USP34: variants seen among roughly 807,000 people sequenced by gnomAD.
USP34 encodes ubiquitin carboxyl-terminal hydrolase 34.
USP34 carries 70 observed loss-of-function variants against 460.3 expected under a neutral mutation model. That is an observed-to-expected ratio of 0.15 (90% confidence interval 0.13 to 0.19). The LOEUF (loss-of-function observed/expected upper bound fraction) is 0.19, where lower values mean the gene tolerates loss of function less well. USP34 is among the 10% of genes least tolerant of loss of function. The pLI is 1.00. For synonymous variants in USP34, 1,647 were observed against 1,405.3 expected, an observed-to-expected ratio of 1.17 and a Z score of -3.85; for missense variants, 3,985 against 4,236.2, an observed-to-expected ratio of 0.94 and a Z score of 1.65.
intron 27 of USP34, among the ~76,000 whole-genome samples, chr2:61,310,684 TA>T (rs1262218750): frequency 6.6e-6 from 1 of 150,500 alleles, no homozygotes; most frequent in East Asian, 1.9e-4. Flanking sequence ...TACATATACA[TA>T]TATATATATT....
At chr2:61,262,165 ATATGTACACAGG>A (rs1193122966) in intron 43 of USP34, among the ~76,000 whole-genome samples, 30 of 144,798 alleles carry the variant, frequency 2.1e-4, no homozygotes, top group Admixed American at 2.1e-3. Flanking sequence ...ATATAGAAAT[ATATGTACACAGG>A]TCTCCTTTTT....
chr2:61,388,066 G>C (rs1235020689), intron 5 of USP34, among the ~76,000 whole-genome samples: 1 of 151,900 alleles, frequency 6.6e-6, no homozygotes, highest in Non-Finnish European at 1.5e-5. Flanking sequence ...AGGAGTTTGA[G>C]ATCAGCCAGG....
chr2:61,330,321 A>G (rs2103727786), intron 20 of USP34, among the ~76,000 whole-genome samples: 1 of 152,302 alleles, frequency 6.6e-6, no homozygotes, highest in South Asian at 2.1e-4. Context: ...TCTCATCGTC[A>G]TCATTATTCA....
chr2:61,359,220 T>G (rs776675578), intron 10 of USP34, among the ~76,000 whole-genome samples: 2 of 152,152 alleles, frequency 1.3e-5, no homozygotes, highest in African/African-American at 2.4e-5. Flanking sequence ...TTAAATAGTA[T>G]GGTACTGACA....
chr2:61,451,643 T>C (rs527281912), intron 1 of USP34, among the ~76,000 whole-genome samples: 3 of 150,556 alleles, frequency 2.0e-5, no homozygotes, highest in Non-Finnish European at 3.0e-5. Flanking sequence ...GATCATGCCA[T>C]TGCACTCCAA....
intron 1 of USP34, among the ~76,000 whole-genome samples, chr2:61,445,095 T>TA (rs1199309327): frequency 6.6e-5 from 10 of 151,400 alleles, no homozygotes; most frequent in African/African-American, 9.7e-5. Context: ...ACTTCAGTGT[T>TA]AGCCTAAAAA....
At chr2:61,420,276 A>AT (rs1448675627) in intron 2 of USP34, among the ~76,000 whole-genome samples, 1 of 152,164 alleles carries the variant, frequency 6.6e-6, no homozygotes, top group East Asian at 1.9e-4. Flanking sequence ...ATAAACTTTG[A>AT]TTATATTAAC....
intron 2 of USP34, among the ~76,000 whole-genome samples, chr2:61,406,408 T>C (rs1397210169): frequency 6.6e-6 from 1 of 152,152 alleles, no homozygotes; most frequent in African/African-American, 2.4e-5. Context: ...AAAACAAGAA[T>C]TGTGACATTT....
chr2:61,231,810 T>TA (rs200291947), intron 58 of USP34, among the ~76,000 whole-genome samples: 2 of 98,942 alleles, frequency 2.0e-5, no homozygotes, highest in Non-Finnish European at 4.1e-5. Context: ...CAAAACCCTC[T>TA]AAAAAAATAT....
intron 1 of USP34, among the ~76,000 whole-genome samples, chr2:61,424,116 G>A (rs2103980508): frequency 6.6e-6 from 1 of 152,208 alleles, no homozygotes; most frequent in East Asian, 1.9e-4. Context: ...ATATGATCCA[G>A]CAATCCCACT....
intron 62 of USP34, among the ~76,000 whole-genome samples, chr2:61,225,213 A>G (rs575635398): frequency 6.6e-6 from 1 of 152,274 alleles, no homozygotes; most frequent in African/African-American, 2.4e-5. Flanking sequence ...AAACCCTACA[A>G]TTTAATATTT....
chr2:61,227,260 T>A, intron 61 of USP34, 42 bp from the exon 62 acceptor site: 1 of 1,558,870 alleles, frequency 6.4e-7, no homozygotes, highest in Non-Finnish European at 8.7e-7. Context: ...GTAGTAGTTT[T>A]AATATCATTT....
At chr2:61,292,030 G>T (rs7561697) in intron 33 of USP34, among the ~76,000 whole-genome samples, 1 of 151,832 alleles carries the variant, frequency 6.6e-6, no homozygotes, top group East Asian at 1.9e-4. Context: ...AAACAGAAAG[G>T]AGACTATAAT....
chr2:61,354,947 G>C (rs1558546283), intron 10 of USP34, among the ~76,000 whole-genome samples: 2 of 152,214 alleles, frequency 1.3e-5, no homozygotes, highest in East Asian at 3.9e-4. Context: ...AAGCTTGCTG[G>C]GACCAGCCCA....
intron 29 of USP34, among the ~76,000 whole-genome samples, chr2:61,299,462 C>T: frequency 6.6e-6 from 1 of 152,098 alleles, no homozygotes; most frequent in East Asian, 1.9e-4. Flanking sequence ...CCTCTGAATG[C>T]CATCTTCAGG....
Position 61,280,690 on chromosome 2 carries a change from G to A in USP34, c.5152-342C>T, listed in dbSNP as rs188450275. Among the ~76,000 whole-genome samples the A allele has an allele frequency of 2.0e-5, 3 of 152,248 alleles. No homozygotes were observed. The South Asian group carries it at 6.2e-4, about 32-fold the overall frequency. ...TATTATGTATTAGAAGCCTTTTAAA[G>A]ACTAGTATATGAACTAGGGTAGGAA... On this transcript the variant is annotated intron_variant, in intron 38 of 79. Transcript: ENST00000398571.
At chr2:61,311,965 T>C (rs1466486301) in intron 25 of USP34, 55 bp from the exon 26 acceptor site, 2 of 1,580,530 alleles carry the variant, frequency 1.3e-6, no homozygotes, top group African/African-American at 1.4e-5. Context: ...ACCATTTTAA[T>C]GTTACGCAAA....
chr2:61,318,506 G>A (rs1048266734), intron 22 of USP34, among the ~76,000 whole-genome samples: 1 of 152,100 alleles, frequency 6.6e-6, no homozygotes, highest in African/African-American at 2.4e-5. Context: ...TATATACTCA[G>A]TTCCAACATG....
Position 61,348,264 on chromosome 2 carries a change from G to T in USP34, c.1891C>A (p.His631Asn). 6.2e-7 allele frequency: 1 copy of T among 1,614,136 alleles called. No individual in the cohort carries two copies. Among genetic ancestry groups the T allele is most frequent in the South Asian group, 1.1e-5 (1 of 91,068 alleles). The change falls in exon 15 of 80, where the codon CAT becomes AAT. Residue 631 changes from histidine (H) to asparagine (N), a missense_variant. This residue lies in a region of USP34 where 716 missense variants were observed against 626.2 expected (regional missense o/e 1.14). Transcript: ENST00000398571. ...CCACAACTGCTTTTGGGAGGATTAT[G>T]ACCATGATCATCGTCTTCATCTTCC... ...KEEDEDDDHG[H>N]NPPKSSCGTD... is the part of the protein sequence containing the mutation.
Sources: allele counts gnomAD v4.1 joint callset (sites outside exome capture counted in the v4.1 genomes callset), GRCh38; gene constraint gnomAD v4.1.1; regional missense constraint gnomAD v4.1.1; transcripts MANE v1.5; gene names NCBI Gene and HGNC (gene_info 2026-07-23, HGNC 2026-07-21).